Variants in CCDC175 observed in about 807,000 individuals in gnomAD.
CCDC175 encodes coiled-coil domain containing 175.
A neutral mutation model predicts 114.6 loss-of-function variants in CCDC175; 100 were observed. That is an observed-to-expected ratio of 0.87 (90% CI 0.74 to 1.03). CCDC175 has a LOEUF of 1.03. CCDC175 is among the 50% of genes least tolerant of loss of function. The probability of loss-of-function intolerance (pLI) is 0.00; values close to 1 mark genes in which losing one functional copy is unlikely to be tolerated. For synonymous variants in CCDC175, 306 were observed against 308.7 expected (o/e 0.99, Z 0.09); for missense variants, 880 against 917.8 (o/e 0.96, Z 0.53).
chr14:59,541,192 CAAGAGG>C (rs773452132), intron 10 of CCDC175, among the ~76,000 whole-genome samples: 24 of 152,104 alleles, frequency 1.6e-4, no homozygotes, highest in Non-Finnish European at 3.1e-4. Context: ...CCCTATGACA[CAAGAGG>C]AAGTAAGGTC....
Position 59,548,737 on chromosome 14 carries a change from G to C in CCDC175, c.1035+2618C>G, listed in dbSNP as rs112807292. On this transcript the variant is annotated intron_variant, in intron 8 of 19. Transcript: ENST00000537690. ...CTTGTCTGGTTTCTGTCTGTTGTTA[G>C]GTATCCTTGCAAATAAAAGAATCAC... Among the ~76,000 whole-genome samples the C allele has an allele frequency of 2.1e-3, 320 of 152,300 alleles. 1 individual carries two copies. The highest frequency in any genetic ancestry group is 6.9e-3 in the African/African-American group (287 of 41,560).
rs570381807 is a variant in CCDC175, at chr14:59,518,008, A to G, written c.2098+3566T>C. 5.9e-5 allele frequency among the ~76,000 whole-genome samples: 9 copies of G among 152,322 alleles called. No individual in the cohort carries two copies. The East Asian group carries it at 1.5e-3, about 26-fold the overall frequency. On this transcript the variant is annotated intron_variant, in intron 17 of 19. Transcript: ENST00000537690. ...ATGGAACCGAACAGAGCCCTCAGAAATAATGCCGCATATCTACAACCATCT... is the reference window on the plus strand; with the variant it reads ...ATGGAACCGAACAGAGCCCTCAGAAGTAATGCCGCATATCTACAACCATCT...
intron 10 of CCDC175, among the ~76,000 whole-genome samples, chr14:59,542,712 T>C (rs1445329525): frequency 6.6e-6 from 1 of 152,028 alleles, no homozygotes; most frequent in Non-Finnish European, 1.5e-5. Context: ...CAGGTAAGCA[T>C]AAAAAAATAG....
rs753156930 is a variant in CCDC175 at position 59,538,669 on chromosome 14, T to C, written c.1491+36A>G. 141 of 1,488,592 alleles carry C rather than the reference T, an allele frequency of 9.5e-5. 3 individuals are homozygous for C. The South Asian group carries it at 1.8e-3, about 19-fold the overall frequency. The allele number at this position is 1,488,592 out of a possible 1,614,324, so 92.2% of individuals were successfully genotyped here. On this transcript the variant is annotated intron_variant, in intron 12 of 19. Transcript: ENST00000537690. Reference sequence around the variant, plus strand: ...AAAGGAGAATTGCTGATATGCAATGTAGGGGACTAATTCTAAGTTCTTTCA... The same window carrying C: ...AAAGGAGAATTGCTGATATGCAATGCAGGGGACTAATTCTAAGTTCTTTCA...
At chr14:59,555,335 A>G (rs1452197460) in intron 7 of CCDC175, among the ~76,000 whole-genome samples, 1 of 152,238 alleles carries the variant, frequency 6.6e-6, no homozygotes, top group Non-Finnish European at 1.5e-5. Context: ...AACGTAATCC[A>G]GCATATAAAC....
At chr14:59,535,917 T>TC (rs11447130) in intron 13 of CCDC175, among the ~76,000 whole-genome samples, 65,655 of 152,062 alleles carry the variant, frequency 0.43, 14,729 homozygotes, top group African/African-American at 0.54. Context: ...TTTGGGGCAG[T>TC]CCCAGTCAGT....
intron 8 of CCDC175, among the ~76,000 whole-genome samples, chr14:59,548,316 A>G (rs1895239750): frequency 6.6e-6 from 1 of 152,074 alleles, no homozygotes; most frequent in African/African-American, 2.4e-5. Context: ...AGATGCTGGG[A>G]AAAAAAGGTA....
intron 17 of CCDC175, among the ~76,000 whole-genome samples, chr14:59,512,258 T>C (rs1475408539): frequency 5.9e-5 from 9 of 152,204 alleles, no homozygotes; most frequent in Admixed American, 5.9e-4. Context: ...TCAGACTCAA[T>C]CAGTGCAACT....
At chr14:59,508,750 C>T (rs187363939) in intron 19 of CCDC175, among the ~76,000 whole-genome samples, 6 of 151,988 alleles carry the variant, frequency 3.9e-5, no homozygotes, top group Non-Finnish European at 8.8e-5. Flanking sequence ...TGCTGCCTTA[C>T]CCCTTAAATG....
chr14:59,510,883 A>G, intron 18 of CCDC175, 75 bp from the exon 19 acceptor site: 1 of 1,304,988 alleles, frequency 7.7e-7, no homozygotes, highest in Non-Finnish European at 1.0e-6. Context: ...TAAGTGGATC[A>G]TGTCCAAAAA....
At chr14:59,533,560 A>G (rs1004030506) in intron 13 of CCDC175, among the ~76,000 whole-genome samples, 10 of 152,362 alleles carry the variant, frequency 6.6e-5, no homozygotes, top group African/African-American at 2.4e-4. Flanking sequence ...TCTCCTCCCA[A>G]ATTGCCATTA....
In CCDC175 at chr14:59,541,546, GT is replaced by G. The variant is rs1317330943; in HGVS notation, c.1284-801del. 4.6e-5 allele frequency among the ~76,000 whole-genome samples: 7 copies of G among 152,222 alleles called. No homozygotes were observed. The East Asian group carries it at 1.4e-3, about 29-fold the overall frequency. On this transcript the variant is annotated intron_variant, in intron 10 of 19. Coordinates refer to ENST00000537690, the MANE Select transcript of CCDC175 (RefSeq NM_001164399.2). The stretch of plus-strand genomic sequence containing the variant: ...TCTTAAATAAACTAGAAACATACCT[GT>G]TCTCGTGTTTCTTTGTCTGTTTGAA...
chr14:59,544,269 C>T (rs1265942868), intron 9 of CCDC175, among the ~76,000 whole-genome samples: 8 of 152,196 alleles, frequency 5.3e-5, no homozygotes, highest in East Asian at 3.9e-4. Flanking sequence ...TGGGTTGAAG[C>T]GATTCTCCTG....
At chr14:59,556,547 A>G (rs1281678329) in intron 7 of CCDC175, among the ~76,000 whole-genome samples, 1 of 152,346 alleles carries the variant, frequency 6.6e-6, no homozygotes, top group East Asian at 1.9e-4. Flanking sequence ...GGACATAGGC[A>G]TGGGCAAGGA....
chr14:59,573,043 A>T (rs1896923980), intron 2 of CCDC175, among the ~76,000 whole-genome samples: 1 of 152,144 alleles, frequency 6.6e-6, no homozygotes, highest in Admixed American at 6.5e-5. Flanking sequence ...CTGAGAAATT[A>T]TCTTTTCTTT....
intron 8 of CCDC175, among the ~76,000 whole-genome samples, chr14:59,550,727 T>C (rs1195821863): frequency 2.6e-5 from 4 of 152,184 alleles, no homozygotes; most frequent in African/African-American, 7.2e-5. Flanking sequence ...GGGAGAAAGA[T>C]GTAGTCTGGG....
At chr14:59,575,858 A>G (rs1258720061) in intron 1 of CCDC175, among the ~76,000 whole-genome samples, 1 of 152,116 alleles carries the variant, frequency 6.6e-6, no homozygotes, top group Non-Finnish European at 1.5e-5. Context: ...AAGAATTGTG[A>G]AATTAACCTA....
intron 1 of CCDC175, among the ~76,000 whole-genome samples, chr14:59,575,297 T>A (rs1242023428): frequency 6.6e-6 from 1 of 152,194 alleles, no homozygotes; most frequent in Non-Finnish European, 1.5e-5. Flanking sequence ...TGTAATGATT[T>A]TTTTTTCCTA....
At chr14:59,563,339 T>C (rs964054911) in intron 6 of CCDC175, among the ~76,000 whole-genome samples, 1 of 152,220 alleles carries the variant, frequency 6.6e-6, no homozygotes, top group Non-Finnish European at 1.5e-5. Context: ...CTGTACTCAA[T>C]AGAGAGCCTA....
Sources: gnomAD v4.1 joint callset for allele counts (sites outside exome capture counted in the v4.1 genomes callset) on GRCh38, gnomAD v4.1.1 for gene constraint, MANE v1.5 for transcripts, NCBI Gene and HGNC (gene_info 2026-07-23, HGNC 2026-07-21) for gene names.